The following FGFR1 variants were observed in gnomAD, a reference collection of about 807,000 sequenced individuals.
FGFR1 encodes fibroblast growth factor receptor 1.
A neutral mutation model predicts 93.7 loss-of-function variants in FGFR1; 18 were observed. That is an observed-to-expected ratio of 0.19 (90% CI 0.13 to 0.28). The LOEUF (loss-of-function observed/expected upper bound fraction) is 0.28. Ranked by LOEUF, FGFR1 falls within the 10% of genes least tolerant of loss-of-function variation. FGFR1 has a pLI of 1.00. For missense variants in FGFR1, 731 were observed against 1,080.4 expected (o/e 0.68, Z 4.53); for synonymous variants, 448 against 429.3 (o/e 1.04, Z -0.54).
Position 38,424,501 on chromosome 8 carries a change from A to G in FGFR1, c.936+8T>C, listed in dbSNP as rs747787554. 6.2e-7 allele frequency: 1 copy of G among 1,614,112 alleles called. No homozygotes were observed. The highest frequency in any genetic ancestry group is 2.2e-5 in the East Asian group (1 of 44,866). Reference sequence around the variant, plus strand: ...AGACTGGCCCACGAAGACTGGTGCCATGATTACCTTCAAGATCTGGACATA... The same window carrying G: ...AGACTGGCCCACGAAGACTGGTGCCGTGATTACCTTCAAGATCTGGACATA... On this transcript the variant is annotated splice_region_variant and intron_variant, in intron 7 of 17. Coordinates refer to ENST00000447712, the MANE Select transcript of FGFR1 (RefSeq NM_023110.3). The surrounding 1 kb of genome is among the most constrained non-coding windows in gnomAD (Gnocchi z 4.3).
chr8:38,418,532 G>C, intron 9 of FGFR1, 159 bp from the exon 10 acceptor site: 1 of 857,740 alleles, frequency 1.2e-6, no homozygotes, highest in Non-Finnish European at 1.8e-6. Context: ...GGTAGGCCAG[G>C]AGGCCCAACT....
rs540339743 is a variant in FGFR1 at position 38,460,273 on chromosome 8, T to G, written c.-88-2739A>C. On this transcript the variant is annotated intron_variant, in intron 1 of 17. Transcript: ENST00000447712. The stretch of plus-strand genomic sequence containing the variant: ...ATGGGGCACATTCCCAGAGCTGGGA[T>G]AGAAGCAGTGCTTGCCAGAGGATGC... Among the ~76,000 whole-genome samples, 29 of 152,274 alleles carry G rather than the reference T, an allele frequency of 1.9e-4. 1 individual carries two copies. The South Asian group carries it at 6.0e-3, about 32-fold the overall frequency.
rs1040692786 is a variant in FGFR1 at position 38,459,515 on chromosome 8, A to G, written c.-88-1981T>C. On this transcript the variant is annotated intron_variant, in intron 1 of 17. Transcript: ENST00000447712. ...TTTTACGAAAGGAATCAGAAAAGAG[A>G]AAATGAAATGAATACTGAACACCCA... is the stretch of plus-strand genomic sequence containing the variant. 7.9e-5 allele frequency among the ~76,000 whole-genome samples: 12 copies of G among 152,312 alleles called. No individual in the cohort carries two copies. The East Asian group carries it at 1.7e-3, about 22-fold the overall frequency.
intron 2 of FGFR1, among the ~76,000 whole-genome samples, chr8:38,452,386 C>T (rs1290068473): frequency 6.6e-6 from 1 of 152,000 alleles, no homozygotes; most frequent in Non-Finnish European, 1.5e-5. Flanking sequence ...ACAGGGTCTC[C>T]TTCTGACACC....
intron 1 of FGFR1, chr8:38,461,166 C>T (rs1834314602): frequency 6.5e-7 from 1 of 1,533,294 alleles, no homozygotes; most frequent in South Asian, 1.2e-5. Context: ...TGTCTTCTCA[C>T]TGGAGTACTG....
rs1820742034 is a variant in FGFR1, at chr8:38,426,325, A to C, written c.622-80T>G. The C allele has an allele frequency of 6.3e-7, 1 of 1,595,288 alleles. No homozygotes were observed. Among genetic ancestry groups the C allele is most frequent in the African/African-American group, 1.3e-5 (1 of 74,790 alleles). ...CATGACAATGTCGGCACCCCGTGGC[A>C]CCTGCCCTCCATATCAGAGCCTGGT... On this transcript the variant is annotated intron_variant, in intron 5 of 17. Coordinates refer to ENST00000447712, the MANE Select transcript of FGFR1 (RefSeq NM_023110.3). The surrounding 1 kb of genome is among the most constrained non-coding windows in gnomAD (Gnocchi z 4.1).
intron 1 of FGFR1, among the ~76,000 whole-genome samples, chr8:38,462,460 C>T (rs969735007): frequency 1.3e-5 from 2 of 151,686 alleles, no homozygotes; most frequent in East Asian, 2.0e-4. Context: ...GCCGAGATTG[C>T]GCCACTGCAC....
intron 7 of FGFR1, chr8:38,422,374 C>T: frequency 2.6e-6 from 1 of 389,004 alleles, no homozygotes; most frequent in Non-Finnish European, 4.8e-6. Context: ...ACACAGCCAG[C>T]AGATGCGAGT....
Position 38,418,315 on chromosome 8 carries a change from C to T in FGFR1, c.1343G>A (p.Arg448Gln), listed in dbSNP as rs758138124. The change falls in exon 10 of 18, where the codon CGG becomes CAG. Residue 448 changes from arginine (R) to glutamine (Q), a missense_variant. Coordinates refer to ENST00000447712, the MANE Select transcript of FGFR1 (RefSeq NM_023110.3). ...NSGVLLVRPS[R>Q]LSSSGTPMLA... ...CATGGGAGTCCCACTGGAGGAGAGCCGTGATGGCCGAACCAGAAGAACCCC... is the reference window on the plus strand; with the variant it reads ...CATGGGAGTCCCACTGGAGGAGAGCTGTGATGGCCGAACCAGAAGAACCCC... The T allele has an allele frequency of 2.9e-5, 47 of 1,614,114 alleles. No individual in the cohort carries two copies. The highest frequency in any genetic ancestry group is 2.7e-4 in the South Asian group (25 of 91,086).
chr8:38,440,440 G>A (rs1437024025), intron 2 of FGFR1: 44 of 1,351,796 alleles, frequency 3.3e-5, no homozygotes, highest in African/African-American at 1.5e-5. Context: ...TCCCCAAATA[G>A]AAGGAGAGCT....
At chr8:38,467,440 G>A (rs1420363542) in intron 1 of FGFR1, among the ~76,000 whole-genome samples, 1 of 152,134 alleles carries the variant, frequency 6.6e-6, no homozygotes, top group Non-Finnish European at 1.5e-5. Context: ...TTTCCCGGGG[G>A]TGGAAAAGGA....
Position 38,421,730 on chromosome 8 carries a change from G to A in FGFR1, c.1081+67C>T, listed in dbSNP as rs112934889. On this transcript the variant is annotated intron_variant, in intron 8 of 17. Transcript: ENST00000447712. Reference sequence around the variant, plus strand: ...CTGCCTCTGTGTCTCCCCAAGCCTGGAAATGCATGCTCCCCCCGTGCCCGT... The same window carrying A: ...CTGCCTCTGTGTCTCCCCAAGCCTGAAAATGCATGCTCCCCCCGTGCCCGT... 2.2e-3 allele frequency: 3,373 copies of A among 1,554,076 alleles called. 55 individuals carry two copies. The African/African-American group carries it at 0.035, about 16-fold the overall frequency.
rs2150716095 is a variant in FGFR1 at position 38,419,734 on chromosome 8, G to A, written c.1083C>T (p.Ala361=). Residue 361 remains alanine, a splice_region_variant and synonymous_variant, in exon 9 of 18, where the codon GCC becomes GCT. Coordinates refer to ENST00000447712, the MANE Select transcript of FGFR1 (RefSeq NM_023110.3). ...HHSAWLTVLE[A]LEERPAVMTS... is the part of the protein sequence containing the mutation. Reference sequence around the variant, plus strand: ...TCATCACTGCCGGCCTCTCTTCCAGGGCTGAGTCAGTGCGAACAGGGTGTT... The same window carrying A: ...TCATCACTGCCGGCCTCTCTTCCAGAGCTGAGTCAGTGCGAACAGGGTGTT... 6.2e-7 allele frequency: 1 copy of A among 1,614,020 alleles called. No homozygotes were observed. Among genetic ancestry groups the A allele is most frequent in the African/African-American group, 1.3e-5 (1 of 75,040 alleles).
intron 2 of FGFR1, 129 bp downstream of exon 2, chr8:38,457,227 G>T: frequency 1.0e-6 from 1 of 995,326 alleles, no homozygotes; most frequent in Non-Finnish European, 1.5e-6. Context: ...TACAGGAAGG[G>T]AGTTCTTTGC....
chr8:38,428,044 A>G lies in FGFR1; in HGVS notation c.498T>C (p.His166=), dbSNP rs1380810103. Residue 166 remains histidine, a synonymous_variant, in exon 5 of 18, where the codon CAT becomes CAC. Coordinates refer to ENST00000447712, the MANE Select transcript of FGFR1 (RefSeq NM_023110.3). ...TCACTGTCTTGGCAGCCGGCACTGC[A>G]TGCAATTTCTTTTCCATCTTTTCTG... The part of the protein sequence containing the change: ...TSPEKMEKKL[H]AVPAAKTVKF... 1 of 1,614,272 alleles carries G rather than the reference A, an allele frequency of 6.2e-7. No homozygotes were observed. Among genetic ancestry groups the G allele is most frequent in the Admixed American group, 1.7e-5 (1 of 60,032 alleles).
chr8:38,417,297 G>T lies in FGFR1; in HGVS notation c.1663+9C>A. ...CTGGGCAGGGAAAGCCAGTCTGGCC[G>T]GCACCCACCATCCTGCGTGCAGGCC... is the stretch of plus-strand genomic sequence containing the variant. On this transcript the variant is annotated intron_variant, in intron 12 of 17. Coordinates refer to ENST00000447712, the MANE Select transcript of FGFR1 (RefSeq NM_023110.3). 6.2e-7 allele frequency: 1 copy of T among 1,605,498 alleles called. No homozygotes were observed.
chr8:38,415,838 G>C (rs756048106), intron 13 of FGFR1, 32 bp downstream of exon 13: 2 of 1,607,020 alleles, frequency 1.2e-6, no homozygotes, highest in South Asian at 2.2e-5. Flanking sequence ...TCCCACCCTG[G>C]CATTACCCAG....
intron 7 of FGFR1, chr8:38,423,612 C>A (rs1188478639): frequency 6.0e-6 from 1 of 165,414 alleles, no homozygotes; most frequent in East Asian, 1.9e-4. Flanking sequence ...GCCTTCTTTC[C>A]CTTTTACAAG....
rs181776540 is a variant in FGFR1, at chr8:38,443,829, G to C, written c.91+13527C>G. On this transcript the variant is annotated intron_variant, in intron 2 of 17. Transcript: ENST00000447712. Reference sequence around the variant, plus strand: ...AGCACTTTGGGAAGCTGAGGTGGGCGGATCACATGAGGTCAGGAGTTCGAG... The same window carrying C: ...AGCACTTTGGGAAGCTGAGGTGGGCCGATCACATGAGGTCAGGAGTTCGAG... 2.2e-4 allele frequency among the ~76,000 whole-genome samples: 33 copies of C among 152,034 alleles called. 1 individual carries two copies. The highest frequency in any genetic ancestry group is 2.2e-3 in the Admixed American group (33 of 15,266).
Sources: allele counts gnomAD v4.1 joint callset (sites outside exome capture counted in the v4.1 genomes callset), GRCh38; gene constraint gnomAD v4.1.1; non-coding constraint Gnocchi (gnomAD v3.1); transcripts MANE v1.5; gene names NCBI Gene and HGNC (gene_info 2026-07-23, HGNC 2026-07-21).